The following HIBCH variants were observed in gnomAD, a reference collection of about 807,000 sequenced individuals.
The protein encoded by HIBCH is 3-hydroxyisobutyryl-CoA hydrolase, mitochondrial.
In HIBCH, 50 loss-of-function variants were observed where a neutral mutation model predicts 58.2. The observed-to-expected ratio is 0.86, with a 90% CI of 0.68 to 1.09. The LOEUF is 1.09. Among genes scored for constraint, HIBCH ranks in the 50% least tolerant of loss-of-function variants. The probability of loss-of-function intolerance (pLI) is 0.00; values close to 1 mark genes in which losing one functional copy is unlikely to be tolerated. For synonymous variants in HIBCH, 151 were observed against 146.9 expected (o/e 1.03, Z -0.20); for missense variants, 450 against 449.7 (o/e 1.00, Z -0.01).
chr2:190,205,668 C>T (rs1690372837), intron 13 of HIBCH, among the ~76,000 whole-genome samples: 2 of 152,058 alleles, frequency 1.3e-5, no homozygotes, highest in Admixed American at 1.3e-4. Context: ...AAATTAATTG[C>T]TTAAGGTAGA....
rs946724311 is a variant in HIBCH, at chr2:190,217,487, C to CA, written c.892-4413dup. ...GACAGAACGAGATTCTGTCTTAAAA[C>CA]AAAAAAACAGACTACTGGAAAAAGA... On this transcript the variant is annotated intron_variant, in intron 11 of 13. Transcript: ENST00000359678. This position sits in a 1 kb window ranked among gnomAD's most constrained non-coding sequence, Gnocchi z 4.6. Among the ~76,000 whole-genome samples the CA allele has an allele frequency of 3.9e-5, 6 of 151,956 alleles. No individual in the cohort carries two copies. The highest frequency in any genetic ancestry group is 1.2e-4 in the African/African-American group (5 of 41,382).
rs757899313 is a variant in HIBCH at position 190,244,966 on chromosome 2, C to G, written c.812G>C (p.Cys271Ser). The G allele has an allele frequency of 2.5e-5, 40 of 1,587,828 alleles. 1 individual carries two copies. The African/African-American group carries it at 4.4e-4, about 18-fold the overall frequency. Residue 271 changes from cysteine to serine, a missense_variant and splice_region_variant, in exon 11 of 14, where the codon TGT (cysteine) becomes TCT (serine). Cys to Ser is a moderately radical substitution (Grantham distance 112). Coordinates refer to ENST00000359678, the MANE Select transcript of HIBCH (RefSeq NM_014362.4). ...TTCTTCCACAGTATTGGCTGAAAAACAACTATAAAAAAAGGAAATGTGATT... is the reference window on the plus strand; with the variant it reads ...TTCTTCCACAGTATTGGCTGAAAAAGAACTATAAAAAAAGGAAATGTGATT... ...LEEHMDKINS[C>S]FSANTVEEII... is the part of the protein sequence containing the mutation.
chr2:190,272,068 A>C (rs2582770), intron 6 of HIBCH, among the ~76,000 whole-genome samples: 81,754 of 151,646 alleles, frequency 0.54, 22,762 homozygotes, highest in South Asian at 0.61. Flanking sequence ...CTTAAGCCTC[A>C]GCTTAAATAT....
rs1052514538 is a variant in HIBCH, at chr2:190,279,851, C to T, written c.438+7735G>A. 1.9e-4 allele frequency: 37 copies of T among 196,742 alleles called. No homozygotes were observed. The highest frequency in any genetic ancestry group is 8.8e-4 in the African/African-American group (37 of 42,122). The allele number at this position is 196,742 out of a possible 1,614,324, so 12.2% of individuals were successfully genotyped here. On this transcript the variant is annotated intron_variant, in intron 6 of 13. Coordinates refer to ENST00000359678, the MANE Select transcript of HIBCH (RefSeq NM_014362.4). This position sits in a 1 kb window ranked among gnomAD's most constrained non-coding sequence, Gnocchi z 4.2. Reference sequence around the variant, plus strand: ...TTCCTCCTTCCTTTGTTCTCCTCTGCCTTTGCCTCTTTTAGAAAGTTCTAA... The same window carrying T: ...TTCCTCCTTCCTTTGTTCTCCTCTGTCTTTGCCTCTTTTAGAAAGTTCTAA...
In HIBCH at chr2:190,248,823, C is replaced by T. The variant is rs937452901; in HGVS notation, c.750+817G>A. Among the ~76,000 whole-genome samples the T allele has an allele frequency of 4.0e-5, 6 of 151,422 alleles. No homozygotes were observed. The East Asian group carries it at 5.8e-4, about 15-fold the overall frequency. On this transcript the variant is annotated intron_variant, in intron 9 of 13. Transcript: ENST00000359678. ...TTGCCGTGAGCCAAGATTGCGCCAC[C>T]GCCCTCCAGCCTAGGTGACAGAGCG...
intron 4 of HIBCH, among the ~76,000 whole-genome samples, chr2:190,291,426 G>A (rs191504705): frequency 6.6e-6 from 1 of 152,254 alleles, no homozygotes; most frequent in East Asian, 1.9e-4. Flanking sequence ...GTTGGAAAAG[G>A]TAAATAGGAA....
chr2:190,276,466 T>A (rs1319433820), intron 6 of HIBCH, among the ~76,000 whole-genome samples: 5 of 152,124 alleles, frequency 3.3e-5, no homozygotes, highest in Non-Finnish European at 7.4e-5. Context: ...AACATTAGAG[T>A]TGGGGCCAAA....
At chr2:190,287,027 CGTGTGT>C (rs56811939) in intron 6 of HIBCH, among the ~76,000 whole-genome samples, 10 of 142,114 alleles carry the variant, frequency 7.0e-5, no homozygotes, top group East Asian at 4.0e-4. Context: ...TAGCATATAA[CGTGTGT>C]GTGTGTGTGT....
intron 4 of HIBCH, 91 bp downstream of exon 4, chr2:190,294,455 A>G: frequency 1.1e-6 from 1 of 890,560 alleles, no homozygotes; most frequent in Non-Finnish European, 1.8e-6. Context: ...TAAAAAGTAA[A>G]GCAAATTATA....
chr2:190,248,887 A>C (rs946287080), intron 9 of HIBCH, among the ~76,000 whole-genome samples: 1 of 152,104 alleles, frequency 6.6e-6, no homozygotes, highest in Admixed American at 6.5e-5. Flanking sequence ...ACAAAAAAAA[A>C]ACTTATAATA....
chr2:190,204,985 C>G lies in HIBCH; in HGVS notation c.*132G>C. On this transcript the variant is annotated 3_prime_UTR_variant, in exon 14 of 14. Coordinates refer to ENST00000359678, the MANE Select transcript of HIBCH (RefSeq NM_014362.4). ...GAATTATTAGTCTTTGATTTCTTTT[C>G]CCAACCATTTAAAAATGCGGAAACC... is the stretch of plus-strand genomic sequence containing the variant. 1.5e-6 allele frequency: 1 copy of G among 671,456 alleles called. No homozygotes were observed. Among genetic ancestry groups the G allele is most frequent in the East Asian group, 2.7e-5 (1 of 36,564 alleles). The allele number at this position is 671,456 out of a possible 1,614,324, so 41.6% of individuals were successfully genotyped here.
intron 3 of HIBCH, among the ~76,000 whole-genome samples, chr2:190,295,693 T>C (rs1334122636): frequency 6.6e-6 from 1 of 152,232 alleles, no homozygotes; most frequent in Non-Finnish European, 1.5e-5. Context: ...TATTCTAACA[T>C]GAACATTTCT....
At chr2:190,283,950 A>T (rs967961043) in intron 6 of HIBCH, among the ~76,000 whole-genome samples, 1 of 152,210 alleles carries the variant, frequency 6.6e-6, no homozygotes, top group African/African-American at 2.4e-5. Flanking sequence ...TAGTTCTCAA[A>T]TTAACATGAC....
chr2:190,296,724 T>C, intron 3 of HIBCH, 89 bp downstream of exon 3: 5 of 1,187,166 alleles, frequency 4.2e-6, no homozygotes, highest in South Asian at 1.2e-5. Flanking sequence ...CAGAGAATTA[T>C]GTGATTCTAT....
chr2:190,250,722 A>C (rs1686738335), intron 8 of HIBCH, among the ~76,000 whole-genome samples: 1 of 152,222 alleles, frequency 6.6e-6, no homozygotes, highest in Non-Finnish European at 1.5e-5. Flanking sequence ...AACATGATAG[A>C]AAGGCCTTCA....
At chr2:190,196,075 A>G (rs866539718) in intron 1 of HIBCH, among the ~76,000 whole-genome samples, 6 of 144,604 alleles carry the variant, frequency 4.1e-5, no homozygotes, top group Middle Eastern at 3.8e-3. Flanking sequence ...TTTTTAGTCC[A>G]TTTTCTTTCA....
intron 11 of HIBCH, among the ~76,000 whole-genome samples, chr2:190,241,550 C>T (rs566011594): frequency 3.1e-4 from 47 of 152,250 alleles, no homozygotes; most frequent in Admixed American, 1.2e-3. Flanking sequence ...GCAGTTTCTT[C>T]ATAGTGTTGT....
At chr2:190,314,965 T>C (rs894311570) in intron 1 of HIBCH, among the ~76,000 whole-genome samples, 3 of 152,050 alleles carry the variant, frequency 2.0e-5, no homozygotes, top group Admixed American at 6.6e-5. Context: ...TTTTTTTTTT[T>C]GAGCCTGAGT....
rs1257332184 is a variant in HIBCH, at chr2:190,216,353, G to A, written c.892-3278C>T. On this transcript the variant is annotated intron_variant, in intron 11 of 13. Coordinates refer to ENST00000359678, the MANE Select transcript of HIBCH (RefSeq NM_014362.4). This position sits in a 1 kb window ranked among gnomAD's most constrained non-coding sequence, Gnocchi z 4.2. ...GGCGGCAGAAAGGATTCAGATTATG[G>A]AAGGGTAAATGGATGAAATGACCAT... 2.0e-5 allele frequency among the ~76,000 whole-genome samples: 3 copies of A among 152,202 alleles called. No homozygotes were observed. Among genetic ancestry groups the A allele is most frequent in the African/African-American group, 4.8e-5 (2 of 41,446 alleles).
Sources: gnomAD v4.1 joint callset for allele counts (sites outside exome capture counted in the v4.1 genomes callset) on GRCh38, gnomAD v4.1.1 for gene constraint, Gnocchi (gnomAD v3.1) non-coding constraint, MANE v1.5 for transcripts, NCBI Gene and HGNC (gene_info 2026-07-23, HGNC 2026-07-21) for gene names.